The following MMP26 variants were observed in gnomAD, a reference collection of about 807,000 sequenced individuals.
MMP26 encodes the protein matrix metalloproteinase-26.
In MMP26, 33 loss-of-function variants were observed where a neutral mutation model predicts 31.0. That is an observed-to-expected ratio of 1.06 (90% CI 0.81 to 1.42). The LOEUF is 1.42. Among genes scored for constraint, MMP26 ranks in the 40% most tolerant of loss-of-function variants. The pLI, the probability that MMP26 is intolerant of heterozygous loss-of-function variation, is 0.00. For missense variants in MMP26, 347 were observed against 316.1 expected (o/e 1.10, Z -0.74); for synonymous variants, 122 against 114.9 (o/e 1.06, Z -0.40).
At chr11:4,797,124 G>A (rs1301397499) in intron 2 of MMP26, among the ~76,000 whole-genome samples, 1 of 151,958 alleles carries the variant, frequency 6.6e-6, no homozygotes, top group East Asian at 1.9e-4. Context: ...TAAGTGCTGG[G>A]CATACAGCAA....
At chr11:4,800,209 AG>A (rs1441094657) in intron 2 of MMP26, among the ~76,000 whole-genome samples, 1 of 152,218 alleles carries the variant, frequency 6.6e-6, no homozygotes, top group African/African-American at 2.4e-5. Flanking sequence ...CCCCTGCAGC[AG>A]GCTTCTGCCT....
chr11:4,780,706 C>A (rs1182612657), intron 2 of MMP26, among the ~76,000 whole-genome samples: 4 of 152,146 alleles, frequency 2.6e-5, no homozygotes, highest in East Asian at 3.9e-4. Flanking sequence ...GAAACTTCAC[C>A]TAGGTATTTA....
intron 1 of MMP26, chr11:4,722,749 C>T (rs1301545179): frequency 1.2e-5 from 11 of 928,988 alleles, no homozygotes; most frequent in Non-Finnish European, 1.7e-5. Context: ...TTGGGCAGGA[C>T]GTCAGAGGAC....
intron 2 of MMP26, among the ~76,000 whole-genome samples, chr11:4,799,882 G>A (rs1400169589): frequency 6.6e-6 from 1 of 152,108 alleles, no homozygotes; most frequent in East Asian, 1.9e-4. Context: ...CAAAATAATC[G>A]CCCCTTACTC....
At chr11:4,907,390 C>T (rs773126702) in intron 2 of MMP26, 40 of 1,612,766 alleles carry the variant, frequency 2.5e-5, no homozygotes, top group Non-Finnish European at 2.7e-5. Context: ...TCAATAACTC[C>T]GAAGTCAAGC....
In MMP26 at chr11:4,992,236, A is replaced by AT. The variant is rs1564821408; in HGVS notation, c.780_781insT (p.Pro261SerfsTer24). ...TAGGAGAAAAATGTTCATCTGACATACCTTAATGTTAGCACAGAGGACTTA... is the reference window on the plus strand; with the variant it reads ...TAGGAGAAAAATGTTCATCTGACATATCCTTAATGTTAGCACAGAGGACTTA... On this transcript the variant is annotated frameshift_variant, in exon 8 of 8. Transcript: ENST00000380390. LOFTEE classifies it high-confidence loss of function. 6 of 1,610,486 alleles carry AT rather than the reference A, an allele frequency of 3.7e-6. No individual in the cohort carries two copies. Among genetic ancestry groups the AT allele is most frequent in the Non-Finnish European group, 5.1e-6 (6 of 1,178,424 alleles).
At chr11:4,894,368 A>G (rs528121055) in intron 2 of MMP26, among the ~76,000 whole-genome samples, 30 of 152,312 alleles carry the variant, frequency 2.0e-4, no homozygotes, top group African/African-American at 7.2e-4. Context: ...AGCTTTTTAA[A>G]CTATATCTTG....
intron 2 of MMP26, 142 bp from the exon 3 acceptor site, chr11:4,987,926 T>C (rs1264863532): frequency 1.1e-5 from 5 of 446,928 alleles, no homozygotes; most frequent in Admixed American, 6.6e-5. Flanking sequence ...TGATGCCCCC[T>C]ATATTCTGAG....
At chr11:4,924,469 G>A (rs1851240446) in intron 2 of MMP26, 1 of 904,814 alleles carries the variant, frequency 1.1e-6, no homozygotes, top group South Asian at 1.7e-5. Context: ...ATGGCATAGG[G>A]GAGAACTGGG....
At chr11:4,745,071 T>C (rs1455038659) in intron 1 of MMP26, among the ~76,000 whole-genome samples, 3 of 152,208 alleles carry the variant, frequency 2.0e-5, no homozygotes, top group African/African-American at 7.2e-5. Context: ...TGCTATGACT[T>C]ATTAAAATTC....
chr11:4,961,375 T>C (rs991415247), intron 2 of MMP26, among the ~76,000 whole-genome samples: 2 of 152,160 alleles, frequency 1.3e-5, no homozygotes, highest in African/African-American at 2.4e-5. Flanking sequence ...CCCAGCAACA[T>C]TGAGGGTAGA....
In MMP26 at chr11:4,786,298, C is replaced by T. The variant is rs917841834; in HGVS notation, c.-145+18957C>T. On this transcript the variant is annotated intron_variant, in intron 2 of 7. Transcript: ENST00000380390. ...TTATCTGCATGAAGAGGAATAACTG[C>T]AACTCAGAATTTAATGCCAATCCTC... Among the ~76,000 whole-genome samples, 5 of 152,082 alleles carry T rather than the reference C, an allele frequency of 3.3e-5. No homozygotes were observed. The South Asian group carries it at 1.0e-3, about 32-fold the overall frequency.
At chr11:4,730,404 A>AGAGAGAGAGAGAGAGAG (rs1848157903) in intron 1 of MMP26, among the ~76,000 whole-genome samples, 13 of 144,950 alleles carry the variant, frequency 9.0e-5, no homozygotes, top group African/African-American at 3.4e-4. Flanking sequence ...GTTTCTGGGA[A>AGAGAGAGAGAGAGAGAG]AGAGAGAGAG....
Position 4,988,243 on chromosome 11 carries a change from T to G in MMP26, c.32T>G (p.Phe11Cys). The change falls in exon 3 of 8, where the codon TTC (phenylalanine) becomes TGC (cysteine). Residue 11 changes from phenylalanine (F) to cysteine (C), a missense_variant. By Grantham distance (205) the Phe-to-Cys change is radical (BLOSUM62 -2). Coordinates refer to ENST00000380390, the MANE Select transcript of MMP26 (RefSeq NM_021801.5). The part of the protein sequence containing the change: MQLVILRVTI[F>C]LPWCFAVPVP... ...CTCGTCATCTTAAGAGTTACTATCTTCTTGCCCTGGTGTTTCGCCGTTCCA... is the reference window on the plus strand; with the variant it reads ...CTCGTCATCTTAAGAGTTACTATCTGCTTGCCCTGGTGTTTCGCCGTTCCA... The G allele has an allele frequency of 6.2e-7, 1 of 1,614,120 alleles. No homozygotes were observed. The highest frequency in any genetic ancestry group is 8.5e-7 in the Non-Finnish European group (1 of 1,180,014).
chr11:4,913,984 T>C (rs1039592050), intron 2 of MMP26: 4 of 152,238 alleles, frequency 2.6e-5, no homozygotes, highest in African/African-American at 9.6e-5. Flanking sequence ...ACAATTAACA[T>C]GTGATTGTAT....
At chr11:4,918,261 T>A (rs1851128277) in intron 2 of MMP26, among the ~76,000 whole-genome samples, 1 of 152,090 alleles carries the variant, frequency 6.6e-6, no homozygotes, top group African/African-American at 2.4e-5. Flanking sequence ...AAATTTTGGT[T>A]AACGAATCCC....
intron 1 of MMP26, among the ~76,000 whole-genome samples, chr11:4,740,412 G>A (rs1031073959): frequency 2.6e-5 from 4 of 152,048 alleles, no homozygotes; most frequent in Non-Finnish European, 5.9e-5. Context: ...GGCTGGGGGC[G>A]GTGGCTCATG....
intron 1 of MMP26, among the ~76,000 whole-genome samples, chr11:4,733,923 T>A (rs1240255971): frequency 6.6e-6 from 1 of 152,202 alleles, no homozygotes; most frequent in Non-Finnish European, 1.5e-5. Flanking sequence ...TCTACACCTT[T>A]GAGATGATCA....
intron 2 of MMP26, among the ~76,000 whole-genome samples, chr11:4,895,280 T>C (rs1399519726): frequency 6.6e-6 from 1 of 152,194 alleles, no homozygotes. Context: ...TATGCCAAAT[T>C]GTTCTCTGGT....
Sources: gnomAD v4.1 joint callset for allele counts (sites outside exome capture counted in the v4.1 genomes callset) on GRCh38, gnomAD v4.1.1 for gene constraint, MANE v1.5 for transcripts, NCBI Gene and HGNC (gene_info 2026-07-23, HGNC 2026-07-21) for gene names.